Variants in STX8 observed in about 807,000 individuals in gnomAD.
STX8 encodes the protein syntaxin 8.
Under a neutral mutation model 37.5 loss-of-function variants are expected in STX8, and 23 were observed. The ratio of observed to expected loss-of-function variants is 0.61; its 90% CI spans 0.44 to 0.87. The LOEUF is 0.87. STX8 is among the 40% of genes least tolerant of loss of function. The pLI is 0.00. For synonymous variants in STX8, 115 were observed against 99.1 expected (o/e 1.16, Z -0.95); for missense variants, 313 against 284.7 (o/e 1.10, Z -0.71).
chr17:9,382,600 G>C (rs1012170160), intron 6 of STX8, among the ~76,000 whole-genome samples: 1 of 152,160 alleles, frequency 6.6e-6, no homozygotes, highest in Non-Finnish European at 1.5e-5. Flanking sequence ...TTTAAAAAAA[G>C]ATGACACAAC....
intron 4 of STX8, among the ~76,000 whole-genome samples, chr17:9,522,385 C>T (rs1905374978): frequency 6.6e-6 from 1 of 151,964 alleles, no homozygotes; most frequent in African/African-American, 2.4e-5. Flanking sequence ...GGTTCTCACT[C>T]CTGTGAGGAA....
chr17:9,533,370 G>A (rs1434465472), intron 4 of STX8, among the ~76,000 whole-genome samples: 1 of 152,146 alleles, frequency 6.6e-6, no homozygotes, highest in Non-Finnish European at 1.5e-5. Flanking sequence ...TGGGAGCTGA[G>A]GCAGGAGAAT....
chr17:9,447,116 G>T (rs1904878128), intron 6 of STX8, among the ~76,000 whole-genome samples: 1 of 152,100 alleles, frequency 6.6e-6, no homozygotes, highest in South Asian at 2.1e-4. Flanking sequence ...CCAATTTATT[G>T]TTCTGTCTCA....
chr17:9,271,129 A>G (rs1907441925), intron 7 of STX8, among the ~76,000 whole-genome samples: 1 of 152,254 alleles, frequency 6.6e-6, no homozygotes, highest in African/African-American at 2.4e-5. Context: ...ACGTGGGACC[A>G]GGAGCACAGA....
In STX8 at chr17:9,514,782, A is replaced by G. The variant is rs556851006; in HGVS notation, c.324-9620T>C. On this transcript the variant is annotated intron_variant, in intron 4 of 7. Coordinates refer to ENST00000306357, the MANE Select transcript of STX8 (RefSeq NM_004853.3). ...TCTTCTAGCCTTGTTCACATCTCCCATATCATCCAGAAACAATTGCTACCC... is the reference window on the plus strand; with the variant it reads ...TCTTCTAGCCTTGTTCACATCTCCCGTATCATCCAGAAACAATTGCTACCC... Among the ~76,000 whole-genome samples, 195 of 152,280 alleles carry G rather than the reference A, an allele frequency of 1.3e-3. 2 individuals carry two copies. Among genetic ancestry groups the G allele is most frequent in the African/African-American group, 4.3e-3 (178 of 41,562 alleles).
At chr17:9,561,319 G>T (rs1489889583) in intron 2 of STX8, among the ~76,000 whole-genome samples, 2 of 152,086 alleles carry the variant, frequency 1.3e-5, no homozygotes, top group Non-Finnish European at 1.5e-5. Context: ...AAATATACCA[G>T]ATCAAAGCTT....
At chr17:9,575,606 G>A (rs1907877171) in intron 1 of STX8, among the ~76,000 whole-genome samples, 186 bp downstream of exon 1, 1 of 152,074 alleles carries the variant, frequency 6.6e-6, no homozygotes, top group East Asian at 1.9e-4. Context: ...CTCCTTCCCG[G>A]GCCACCCTTG....
At chr17:9,254,967 A>C (rs1178694188) in intron 7 of STX8, among the ~76,000 whole-genome samples, 3 of 152,228 alleles carry the variant, frequency 2.0e-5, no homozygotes, top group Non-Finnish European at 4.4e-5. Context: ...AAGCTGAGAA[A>C]ATGTGGCAAG....
chr17:9,447,905 G>T (rs895437835), intron 6 of STX8, among the ~76,000 whole-genome samples: 4 of 152,020 alleles, frequency 2.6e-5, no homozygotes, highest in African/African-American at 9.7e-5. Flanking sequence ...TTGGCCAGGT[G>T]CGGTGGCTTA....
chr17:9,327,249 AAGGAGGAAGGAGG>A (rs1334459996), intron 7 of STX8, among the ~76,000 whole-genome samples: 45 of 150,224 alleles, frequency 3.0e-4, no homozygotes, highest in Non-Finnish European at 5.6e-4. Flanking sequence ...ACAGAGGAGG[AAGGAGGAAGGAGG>A]AGGAGGAAGG....
At chr17:9,517,727 G>A (rs1422430837) in intron 4 of STX8, among the ~76,000 whole-genome samples, 1 of 148,528 alleles carries the variant, frequency 6.7e-6, no homozygotes, top group Non-Finnish European at 1.5e-5. Flanking sequence ...GCCAAGGCAG[G>A]AGGACTGTTT....
chr17:9,526,270 T>A (rs952364050), intron 4 of STX8, among the ~76,000 whole-genome samples: 7 of 152,138 alleles, frequency 4.6e-5, no homozygotes, highest in African/African-American at 1.7e-4. Context: ...CAACGACTTC[T>A]CTAAGAATCA....
intron 4 of STX8, among the ~76,000 whole-genome samples, chr17:9,529,318 CATGCAAATAT>C (rs1043158670): frequency 6.6e-6 from 1 of 152,064 alleles, no homozygotes; most frequent in African/African-American, 2.4e-5. Context: ...TATGCATATG[CATGCAAATAT>C]ATGCAAATAT....
intron 1 of STX8, among the ~76,000 whole-genome samples, chr17:9,570,354 G>C (rs1254223215): frequency 1.3e-5 from 2 of 152,020 alleles, no homozygotes; most frequent in Admixed American, 6.6e-5. Context: ...GATCCTGAGA[G>C]AGGATCCTGA....
intron 6 of STX8, among the ~76,000 whole-genome samples, chr17:9,485,830 C>T (rs951304961): frequency 6.6e-6 from 1 of 152,104 alleles, no homozygotes; most frequent in African/African-American, 2.4e-5. Flanking sequence ...AAATGATCCA[C>T]CTACCTTGGC....
chr17:9,250,510 T>C lies in STX8; in HGVS notation c.*68A>G, dbSNP rs1906524337. On this transcript the variant is annotated 3_prime_UTR_variant, in exon 8 of 8. Coordinates refer to ENST00000306357, the MANE Select transcript of STX8 (RefSeq NM_004853.3). ...GAATTTATTGAGAGCAGGTTTTGCG[T>C]ACCAAAAGGGTGTTGGGCTTGCATC... The C allele has an allele frequency of 3.5e-6, 5 of 1,410,002 alleles. No homozygotes were observed. The highest frequency in any genetic ancestry group is 2.4e-5 in the East Asian group (1 of 40,840). 87.3% of individuals were successfully genotyped at this position (1,410,002 alleles called of 1,614,324 possible). A position where few individuals can be genotyped will look rare whatever the true frequency, so the allele number is the denominator to read the frequency against.
chr17:9,307,732 G>A (rs969768676), intron 7 of STX8, among the ~76,000 whole-genome samples: 4 of 152,062 alleles, frequency 2.6e-5, no homozygotes, highest in Admixed American at 6.6e-5. Context: ...TGAACTGAGG[G>A]AGACTGGGAG....
chr17:9,271,473 C>T (rs553194212), intron 7 of STX8, among the ~76,000 whole-genome samples: 9 of 147,986 alleles, frequency 6.1e-5, no homozygotes, highest in South Asian at 2.2e-4. Context: ...GAAATGCGGC[C>T]GGGCGTGGTG....
chr17:9,408,498 T>C (rs1280461465), intron 6 of STX8, among the ~76,000 whole-genome samples: 3 of 152,220 alleles, frequency 2.0e-5, no homozygotes, highest in African/African-American at 7.2e-5. Flanking sequence ...TGTGGATTTT[T>C]AGCCATGTCT....
Sources: gnomAD v4.1 joint callset for allele counts (sites outside exome capture counted in the v4.1 genomes callset) on GRCh38, gnomAD v4.1.1 for gene constraint, MANE v1.5 for transcripts, NCBI Gene and HGNC (gene_info 2026-07-23, HGNC 2026-07-21) for gene names.